The following TBL3 variants were observed in gnomAD, a reference collection of about 807,000 sequenced individuals.
The protein encoded by TBL3 is transducin beta-like protein 3.
In TBL3, 71 loss-of-function variants were observed where a neutral mutation model predicts 102.7. The observed-to-expected ratio is 0.69, with a 90% CI of 0.57 to 0.84. The LOEUF is 0.84. Ranked by LOEUF, TBL3 falls within the 40% of genes least tolerant of loss-of-function variation. The pLI is 0.00. For synonymous variants in TBL3, 578 were observed against 477.7 expected (o/e 1.21, Z -2.74); for missense variants, 1,188 against 1,098.5 (o/e 1.08, Z -1.15).
Position 1,972,204 on chromosome 16 carries a change from A to G in TBL3, c.40A>G (p.Asn14Asp), listed in dbSNP as rs781572971. The G allele has an allele frequency of 3.6e-5, 50 of 1,401,696 alleles. 1 individual carries two copies. Among genetic ancestry groups the G allele is most frequent in the Non-Finnish European group, 4.5e-5 (48 of 1,073,076 alleles). The allele number at this position is 1,401,696 out of a possible 1,614,324, so 86.8% of individuals were successfully genotyped here. ...GGCCGGAGTGGGCCGCTTCAAGACC[A>G]AGTGAGCCCGGAGCTCTGGGGCCGT... The part of the protein sequence containing the change: ...TAAGVGRFKT[N>D]YAVERKIEPF... The change falls in exon 1 of 22, where the codon AAC (asparagine) becomes GAC (aspartate). Residue 14 changes from asparagine to aspartate, a missense_variant and splice_region_variant. Transcript: ENST00000568546.
chr16:1,981,365 G>T lies in TBL3; in HGVS notation c.*2680G>T. 3 of 1,395,684 alleles carry T rather than the reference G, an allele frequency of 2.1e-6. No individual in the cohort carries two copies. The highest frequency in any genetic ancestry group is 2.8e-6 in the Non-Finnish European group (3 of 1,064,506). The allele number at this position is 1,395,684 out of a possible 1,614,324, so 86.5% of individuals were successfully genotyped here. A position where few individuals can be genotyped will look rare whatever the true frequency, so the allele number is the denominator to read the frequency against. ...TTGCAGCTTTCTTGCTGTCCCCCAA[G>T]CCCACGATCTGGGGGCAGGAGCACA... On this transcript the variant is annotated 3_prime_UTR_variant, in exon 22 of 22. Transcript: ENST00000568546.
At position 1,980,040 on chromosome 16, in the gene TBL3, C is replaced by T; in HGVS notation, c.*1355C>T. 1 of 1,606,468 alleles carries T rather than the reference C, an allele frequency of 6.2e-7. No individual in the cohort carries two copies. On this transcript the variant is annotated 3_prime_UTR_variant, in exon 22 of 22. Coordinates refer to ENST00000568546, the MANE Select transcript of TBL3 (RefSeq NM_006453.3). Reference sequence around the variant, plus strand: ...GCACGTCCAGGCTCTCCTGGGCCTGCGCCTGAAAAGGCCTATCCCGCGTGT... The same window carrying T: ...GCACGTCCAGGCTCTCCTGGGCCTGTGCCTGAAAAGGCCTATCCCGCGTGT...
intron 12 of TBL3, 46 bp downstream of exon 12, chr16:1,976,160 C>T (rs1454103624): frequency 1.2e-6 from 2 of 1,613,660 alleles, no homozygotes; most frequent in African/African-American, 2.7e-5. Flanking sequence ...GGCGGGGAGG[C>T]CACGCAGTAG....
chr16:1,974,515 T>C lies in TBL3; in HGVS notation c.238-23T>C, dbSNP rs781208344. 27 of 1,591,874 alleles carry C rather than the reference T, an allele frequency of 1.7e-5. No homozygotes were observed. The South Asian group carries it at 2.9e-4, about 17-fold the overall frequency. On this transcript the variant is annotated intron_variant, in intron 4 of 21. Transcript: ENST00000568546. ...TGTGAGCAGGGTATTGCTGCCCCTC[T>C]GCTGACCTGTACCCTCCCCCAGGTG...
chr16:1,974,861 T>C lies in TBL3; in HGVS notation c.464+14T>C, dbSNP rs777217623. 8.1e-6 allele frequency: 13 copies of C among 1,612,780 alleles called. No homozygotes were observed. In the Admixed American group the frequency reaches 1.0e-4, roughly 12 times the overall value. ...CGGTGTCGTGCAGTGAGTTGGAAGG[T>C]GGAGGGGGAGGGCAGAGGCACCACC... On this transcript the variant is annotated intron_variant, in intron 6 of 21. Transcript: ENST00000568546.
In TBL3 at chr16:1,978,887, C is replaced by A. The variant is rs372453977; in HGVS notation, c.*202C>A. On this transcript the variant is annotated 3_prime_UTR_variant, in exon 22 of 22. Transcript: ENST00000568546. Reference sequence around the variant, plus strand: ...CACCCTGGCCTGGCAGAGATCCAGCCCGCGGCTCCGCACGCTTAGACGGTG... The same window carrying A: ...CACCCTGGCCTGGCAGAGATCCAGCACGCGGCTCCGCACGCTTAGACGGTG... 1.2e-4 allele frequency: 131 copies of A among 1,061,372 alleles called. 1 individual carries two copies. The East Asian group carries it at 2.4e-3, about 19-fold the overall frequency. 65.7% of individuals were successfully genotyped at this position (1,061,372 alleles called of 1,614,324 possible). A position where few individuals can be genotyped will look rare whatever the true frequency, so the allele number is the denominator to read the frequency against.
In TBL3 at chr16:1,978,376, C is replaced by T. The variant is rs1021687302; in HGVS notation, c.2198C>T (p.Ala733Val). 1.2e-6 allele frequency: 2 copies of T among 1,611,360 alleles called. No individual in the cohort carries two copies. The highest frequency in any genetic ancestry group is 2.2e-5 in the East Asian group (1 of 44,842). Residue 733 changes from alanine (A) to valine (V), a missense_variant, in exon 21 of 22, where the codon GCC becomes GTC. Transcript: ENST00000568546. ...TNSRHCHEAQ[A>V]VLGVLLRREA... Reference sequence around the variant, plus strand: ...TCGCGGCACTGCCACGAGGCCCAGGCCGTGCTGGGTGTGCTCTTGAGGCGA... The same window carrying T: ...TCGCGGCACTGCCACGAGGCCCAGGTCGTGCTGGGTGTGCTCTTGAGGCGA...
At chr16:1,972,843 G>A (rs1339241909) in intron 1 of TBL3, among the ~76,000 whole-genome samples, 1 of 152,172 alleles carries the variant, frequency 6.6e-6, no homozygotes, top group East Asian at 1.9e-4. Flanking sequence ...TGCGGGGGCT[G>A]AGGGGCCGCT....
chr16:1,975,240 C>T lies in TBL3; in HGVS notation c.689C>T (p.Thr230Met), dbSNP rs766553339. ...TGGGACCTTCAGAGCTGCCAGGCCA[C>T]GAGGACCGTGCCTGTGTTTGAGGTG... Reference protein sequence around the residue: ...IIWDLQSCQATRTVPVFESVE... With the variant: ...IIWDLQSCQAMRTVPVFESVE... The change falls in exon 8 of 22, where the codon ACG becomes ATG. Residue 230 changes from threonine to methionine, a missense_variant. Coordinates refer to ENST00000568546, the MANE Select transcript of TBL3 (RefSeq NM_006453.3). 28 of 1,613,768 alleles carry T rather than the reference C, an allele frequency of 1.7e-5. No individual in the cohort carries two copies. The highest frequency in any genetic ancestry group is 6.7e-5 in the African/African-American group (5 of 74,906).
chr16:1,974,135 C>T (rs373712154), intron 2 of TBL3, 28 bp downstream of exon 2: 75 of 1,571,034 alleles, frequency 4.8e-5, no homozygotes, highest in African/African-American at 3.4e-4. Context: ...GGCAGTGGGG[C>T]GGGCAGCCAG....
rs1219202238 is a variant in TBL3 at position 1,974,791 on chromosome 16, G to C, written c.408G>C (p.Trp136Cys). ...GCTGTGATGGGGCCGTGCGCGTCTG[G>C]GACATCGTGCGGCACTACGGGACAC... The part of the protein sequence containing the change: ...TGGCDGAVRV[W>C]DIVRHYGTHH... Residue 136 changes from tryptophan to cysteine, a missense_variant, in exon 6 of 22, where the codon TGG becomes TGC. By Grantham distance (215) the Trp-to-Cys change is radical. Coordinates refer to ENST00000568546, the MANE Select transcript of TBL3 (RefSeq NM_006453.3). 1.9e-6 allele frequency: 3 copies of C among 1,613,118 alleles called. No individual in the cohort carries two copies. Among genetic ancestry groups the C allele is most frequent in the Non-Finnish European group, 2.5e-6 (3 of 1,179,988 alleles).
intron 16 of TBL3, 32 bp downstream of exon 16, chr16:1,977,458 TG>T (rs1597050617): frequency 1.5e-5 from 9 of 594,164 alleles, no homozygotes; most frequent in Non-Finnish European, 2.3e-5. Flanking sequence ...AGCGATGGAG[TG>T]GGGGGTGGCG....
Position 1,981,275 on chromosome 16 carries a change from G to A in TBL3, c.*2590G>A, listed in dbSNP as rs2150892241. 1 of 1,557,600 alleles carries A rather than the reference G, an allele frequency of 6.4e-7. No individual in the cohort carries two copies. The highest frequency in any genetic ancestry group is 2.3e-5 in the East Asian group (1 of 43,364). ...CTCTGGGGGACCCAGAAAACCCCCT[G>A]GGATAGAATCCTGGCAACACCTCAA... On this transcript the variant is annotated 3_prime_UTR_variant, in exon 22 of 22. Coordinates refer to ENST00000568546, the MANE Select transcript of TBL3 (RefSeq NM_006453.3).
intron 13 of TBL3, 50 bp downstream of exon 13, chr16:1,976,364 G>C: frequency 1.3e-6 from 2 of 1,521,126 alleles, no homozygotes; most frequent in African/African-American, 1.4e-5. Context: ...GGAGGCCCAG[G>C]CCTGCCAGCA....
In TBL3 at chr16:1,975,103, G is replaced by C. The variant is rs1442728622; in HGVS notation, c.635+5G>C. The C allele has an allele frequency of 6.8e-6, 11 of 1,611,958 alleles. No homozygotes were observed. The highest frequency in any genetic ancestry group is 7.6e-6 in the Non-Finnish European group (9 of 1,179,990). ...CGACGGCCACACCATGCTCAGGTCA[G>C]CAGTGGGCCCTGGTAGGAGGGGGAG... On this transcript the variant is annotated splice_donor_5th_base_variant and intron_variant, in intron 7 of 21. Transcript: ENST00000568546.
Position 1,980,723 on chromosome 16 carries a change from G to C in TBL3, c.*2038G>C. On this transcript the variant is annotated 3_prime_UTR_variant, in exon 22 of 22. Transcript: ENST00000568546. Reference sequence around the variant, plus strand: ...CCGCCTCCACCGGGAAGGTCTCCTTGAGGGTCTTCTGAGGGCGGGAACCAG... The same window carrying C: ...CCGCCTCCACCGGGAAGGTCTCCTTCAGGGTCTTCTGAGGGCGGGAACCAG... The C allele has an allele frequency of 6.2e-7, 1 of 1,601,758 alleles. No individual in the cohort carries two copies. Among genetic ancestry groups the C allele is most frequent in the Non-Finnish European group, 8.5e-7 (1 of 1,174,322 alleles).
chr16:1,976,916 C>T lies in TBL3; in HGVS notation c.1395C>T (p.Gly465=), dbSNP rs1385447629. ...CCAAGAACACAGCCCCAGACAACGG[C>T]CCTATCCTCCTGCAGGCCCAGACCA... ...LLSKNTAPDN[G]PILLQAQTTQ... The change falls in exon 14 of 22, where the codon GGC becomes GGT. Residue 465 remains glycine (G), a synonymous_variant. Transcript: ENST00000568546. 1.9e-6 allele frequency: 3 copies of T among 1,613,864 alleles called. No individual in the cohort carries two copies. The highest frequency in any genetic ancestry group is 1.3e-5 in the African/African-American group (1 of 74,924).
In TBL3 at chr16:1,979,253, G is replaced by A; in HGVS notation, c.*568G>A. The A allele has an allele frequency of 1.3e-6, 2 of 1,522,610 alleles. No individual in the cohort carries two copies. The highest frequency in any genetic ancestry group is 1.2e-5 in the South Asian group (1 of 82,666). 94.3% of individuals were successfully genotyped at this position (1,522,610 alleles called of 1,614,324 possible). On this transcript the variant is annotated 3_prime_UTR_variant, in exon 22 of 22. Coordinates refer to ENST00000568546, the MANE Select transcript of TBL3 (RefSeq NM_006453.3). Reference sequence around the variant, plus strand: ...GGAAGCCCCGGGCCTCACCCGCCGGGTCGTCTCCTCCACGGAACCCCGTCC... The same window carrying A: ...GGAAGCCCCGGGCCTCACCCGCCGGATCGTCTCCTCCACGGAACCCCGTCC...
rs368090548 is a variant in TBL3, at chr16:1,974,596, G to A, written c.296G>A (p.Ser99Asn). The change falls in exon 5 of 22, where the codon AGC becomes AAC. Residue 99 changes from serine (S) to asparagine (N), a missense_variant. Ser to Asn is a conservative substitution (Grantham distance 46). Transcript: ENST00000568546. ...LLAQWAWQEG[S>N]VTRLWKAIHT... ...GCTCAGTGGGCCTGGCAAGAGGGCA[G>A]CGTTACCCGCCTGTGGAAGGCGATA... 49 of 1,610,122 alleles carry A rather than the reference G, an allele frequency of 3.0e-5. No homozygotes were observed. The South Asian group carries it at 5.3e-4, about 17-fold the overall frequency.
Sources: allele counts gnomAD v4.1 joint callset (sites outside exome capture counted in the v4.1 genomes callset), GRCh38; gene constraint gnomAD v4.1.1; transcripts MANE v1.5; gene names NCBI Gene and HGNC (gene_info 2026-07-23, HGNC 2026-07-21).